The following SNRPD1 variants were observed in gnomAD, a reference collection of about 807,000 sequenced individuals.
The protein encoded by SNRPD1 is small nuclear ribonucleoprotein D1 polypeptide, also known as small nuclear ribonucleoprotein Sm D1.
In SNRPD1, 1 loss-of-function variant was observed where a neutral mutation model predicts 14.4. That is an observed-to-expected ratio of 0.07 (90% CI 0.02 to 0.33). The LOEUF is 0.33. SNRPD1 is among the 10% of genes least tolerant of loss of function. The probability of loss-of-function intolerance (pLI) is 1.00; values close to 1 mark genes in which losing one functional copy is unlikely to be tolerated. For synonymous variants in SNRPD1, 42 were observed against 50.3 expected (o/e 0.83, Z 0.70); for missense variants, 52 against 146.4 (o/e 0.36, Z 3.33).
Position 21,629,950 on chromosome 18 carries a change from G to A in SNRPD1, c.*812G>A, listed in dbSNP as rs1176546463. 1 of 152,146 alleles carries A rather than the reference G, an allele frequency of 6.6e-6. No individual in the cohort carries two copies. Among genetic ancestry groups the A allele is most frequent in the Non-Finnish European group, 1.5e-5 (1 of 68,022 alleles). The allele number at this position is 152,146 out of a possible 1,614,324, so 9.4% of individuals were successfully genotyped here. A position where few individuals can be genotyped will look rare whatever the true frequency, so the allele number is the denominator to read the frequency against. On this transcript the variant is annotated 3_prime_UTR_variant, in exon 4 of 4. Transcript: ENST00000300413. ...TCTAGAATTGATTCTCCTTTCCTGA[G>A]TTTTACTCCACGGAGTCTTAGGTAC... is the stretch of plus-strand genomic sequence containing the variant.
intron 3 of SNRPD1, among the ~76,000 whole-genome samples, chr18:21,625,524 C>G (rs920961680): frequency 2.6e-5 from 4 of 151,918 alleles, no homozygotes; most frequent in African/African-American, 7.3e-5. Context: ...TCCTGTTGGT[C>G]AGGCTGGTCT....
At chr18:21,626,394 CAAAAAAAAAAAAA>C (rs774960503) in intron 3 of SNRPD1, among the ~76,000 whole-genome samples, 1 of 51,086 alleles carries the variant, frequency 2.0e-5, no homozygotes, top group South Asian at 8.0e-4. Context: ...ACCCTGTCGC[CAAAAAAAAAAAAA>C]AAAAAAAAGG....
chr18:21,614,155 C>G (rs1189747648), intron 1 of SNRPD1, among the ~76,000 whole-genome samples: 1 of 152,040 alleles, frequency 6.6e-6, no homozygotes, highest in Non-Finnish European at 1.5e-5. Context: ...CGCCTGTAAT[C>G]CCAGCTACTC....
intron 1 of SNRPD1, among the ~76,000 whole-genome samples, chr18:21,621,948 A>G (rs1249288018): frequency 6.6e-6 from 1 of 152,226 alleles, no homozygotes; most frequent in Non-Finnish European, 1.5e-5. Context: ...AACGAGGACT[A>G]CAAGTTATAG....
chr18:21,623,716 A>C, intron 2 of SNRPD1, 32 bp from the exon 3 acceptor site: 1 of 1,504,750 alleles, frequency 6.6e-7, no homozygotes, highest in Non-Finnish European at 9.2e-7. Context: ...CTTGTATCAT[A>C]CTAATAACTG....
At chr18:21,627,595 TTTG>T (rs951571300) in intron 3 of SNRPD1, among the ~76,000 whole-genome samples, 14 of 151,792 alleles carry the variant, frequency 9.2e-5, no homozygotes, top group East Asian at 3.9e-4. Flanking sequence ...GCCCAGCCCT[TTTG>T]TTGTTGTTGT....
Position 21,629,507 on chromosome 18 carries a change from A to G in SNRPD1, c.*369A>G, listed in dbSNP as rs75697984. The stretch of plus-strand genomic sequence containing the variant: ...ATAATAGGCTCAGAGGCTTCAGCCC[A>G]GCTGCATAGTTGAAGATTTATGGAC... On this transcript the variant is annotated 3_prime_UTR_variant, in exon 4 of 4. Transcript: ENST00000300413. 1 of 174,412 alleles carries G rather than the reference A, an allele frequency of 5.7e-6. No homozygotes were observed. The highest frequency in any genetic ancestry group is 5.6e-5 in the Admixed American group (1 of 17,708). 10.8% of individuals were successfully genotyped at this position (174,412 alleles called of 1,614,324 possible). A position where few individuals can be genotyped will look rare whatever the true frequency, so the allele number is the denominator to read the frequency against.
At chr18:21,622,929 ATT>A (rs61664136) in intron 2 of SNRPD1, 128 bp downstream of exon 2, 11,584 of 406,546 alleles carry the variant, frequency 0.028, 166 homozygotes, top group African/African-American at 0.1. Context: ...GAATTATGTA[ATT>A]TTTTTTTTTT....
rs1568124532 is a variant in SNRPD1, at chr18:21,621,179, A to G, written c.15-1546A>G. ...CGAGACTCTGTGTCAAAAAAAAAAGATAAGATATTCAATCTCACAGGTAAT... is the reference window on the plus strand; with the variant it reads ...CGAGACTCTGTGTCAAAAAAAAAAGGTAAGATATTCAATCTCACAGGTAAT... On this transcript the variant is annotated intron_variant, in intron 1 of 3. Transcript: ENST00000300413. Among the ~76,000 whole-genome samples the G allele has an allele frequency of 2.0e-5, 3 of 151,232 alleles. No homozygotes were observed. The South Asian group carries it at 6.3e-4, about 32-fold the overall frequency.
At chr18:21,615,671 A>G (rs555818399) in intron 1 of SNRPD1, among the ~76,000 whole-genome samples, 2 of 152,234 alleles carry the variant, frequency 1.3e-5, no homozygotes, top group South Asian at 4.1e-4. Context: ...ATTACAAGAA[A>G]ATAAAATAAA....
At chr18:21,620,332 C>T (rs955855770) in intron 1 of SNRPD1, among the ~76,000 whole-genome samples, 4 of 151,926 alleles carry the variant, frequency 2.6e-5, no homozygotes, top group African/African-American at 9.7e-5. Flanking sequence ...AACTCCTGGC[C>T]TCAAGTGATC....
At chr18:21,625,129 G>A (rs529046831) in intron 3 of SNRPD1, among the ~76,000 whole-genome samples, 4 of 151,850 alleles carry the variant, frequency 2.6e-5, no homozygotes, top group East Asian at 1.9e-4. Flanking sequence ...CTTTAATGTC[G>A]TTAGGGTTAT....
intron 2 of SNRPD1, among the ~76,000 whole-genome samples, chr18:21,623,090 G>C (rs1452122309): frequency 6.6e-6 from 1 of 150,944 alleles, no homozygotes; most frequent in Non-Finnish European, 1.5e-5. Context: ...CCATGCCCGG[G>C]TAAATTTTTT....
intron 1 of SNRPD1, among the ~76,000 whole-genome samples, chr18:21,619,597 G>A (rs1300923902): frequency 1.3e-5 from 2 of 151,576 alleles, no homozygotes; most frequent in Non-Finnish European, 2.9e-5. Context: ...CCAGCCCAAC[G>A]GGTGAAACCC....
At chr18:21,621,935 C>T (rs2039001111) in intron 1 of SNRPD1, among the ~76,000 whole-genome samples, 1 of 152,156 alleles carries the variant, frequency 6.6e-6, no homozygotes, top group East Asian at 1.9e-4. Flanking sequence ...ATATAAACTG[C>T]TAAACGAGGA....
chr18:21,612,878 T>C (rs1051308621), intron 1 of SNRPD1, among the ~76,000 whole-genome samples: 3 of 152,224 alleles, frequency 2.0e-5, no homozygotes, highest in African/African-American at 7.2e-5. Flanking sequence ...GTTTTTGTTT[T>C]TTTAAATAAA....
chr18:21,613,854 C>CAAA (rs56863125), intron 1 of SNRPD1, among the ~76,000 whole-genome samples: 3,920 of 58,238 alleles, frequency 0.067, 454 homozygotes, highest in East Asian at 0.4. Context: ...GACTCCATCT[C>CAAA]AAAAAAAAAA....
chr18:21,629,028 G>A, intron 3 of SNRPD1, 34 bp from the exon 4 acceptor site: 1 of 1,551,472 alleles, frequency 6.4e-7, no homozygotes, highest in Non-Finnish European at 8.9e-7. Flanking sequence ...GTGCAGGAGA[G>A]AATTGAACTT....
At chr18:21,619,283 A>T (rs2038980110) in intron 1 of SNRPD1, among the ~76,000 whole-genome samples, 1 of 151,956 alleles carries the variant, frequency 6.6e-6, no homozygotes, top group Non-Finnish European at 1.5e-5. Flanking sequence ...AGGCTCAAGC[A>T]ATTCTCCTGC....
Sources: allele counts gnomAD v4.1 joint callset (sites outside exome capture counted in the v4.1 genomes callset), GRCh38; gene constraint gnomAD v4.1.1; transcripts MANE v1.5; gene names NCBI Gene and HGNC (gene_info 2026-07-23, HGNC 2026-07-21).